The following LHFPL3 variants were observed in gnomAD, a reference collection of about 807,000 sequenced individuals.
The protein encoded by LHFPL3 is LHFPL tetraspan subfamily member 3 protein.
LHFPL3 carries 5 observed loss-of-function variants against 19.3 expected under a neutral mutation model. The observed-to-expected ratio is 0.26, with a 90% CI of 0.14 to 0.54. The LOEUF (loss-of-function observed/expected upper bound fraction) is 0.54, where lower values mean the gene tolerates loss of function less well. Among genes scored for constraint, LHFPL3 ranks in the 20% least tolerant of loss-of-function variants. The pLI is 0.94. For missense variants in LHFPL3, 249 were observed against 307.4 expected (o/e 0.81, Z 1.42); for synonymous variants, 133 against 126.2 (o/e 1.05, Z -0.36).
At chr7:104,639,751 T>C (rs1791795179) in intron 1 of LHFPL3, among the ~76,000 whole-genome samples, 1 of 152,222 alleles carries the variant, frequency 6.6e-6, no homozygotes, top group Non-Finnish European at 1.5e-5. Context: ...ATATTCATGA[T>C]TAATATTTAC....
chr7:104,498,893 A>G (rs1310005741), intron 1 of LHFPL3, among the ~76,000 whole-genome samples: 2 of 152,200 alleles, frequency 1.3e-5, no homozygotes, highest in Non-Finnish European at 2.9e-5. Flanking sequence ...CAGAACATTT[A>G]AGTAAATTTT....
At chr7:104,417,605 T>G (rs576191175) in intron 1 of LHFPL3, among the ~76,000 whole-genome samples, 32 of 152,366 alleles carry the variant, frequency 2.1e-4, no homozygotes, top group African/African-American at 7.5e-4. Flanking sequence ...TTTAGAGGCA[T>G]TAATTTGCTG....
rs188025625 is a variant in LHFPL3 at position 104,469,924 on chromosome 7, G to C, written c.445+140700G>C. The C allele has an allele frequency of 1.6e-4, 70 of 439,600 alleles. 1 individual carries two copies. The highest frequency in any genetic ancestry group is 1.3e-3 in the African/African-American group (67 of 49,832). The allele number at this position is 439,600 out of a possible 1,614,324, so 27.2% of individuals were successfully genotyped here. ...CTATATCTAACCTAACATTCCCTCT[G>C]AGCACAGTTATAGCACAATCATAGA... On this transcript the variant is annotated intron_variant, in intron 1 of 2. Coordinates refer to ENST00000424859, the MANE Select transcript of LHFPL3 (RefSeq NM_199000.3).
intron 1 of LHFPL3, among the ~76,000 whole-genome samples, chr7:104,561,210 G>T (rs1022303579): frequency 1.3e-5 from 2 of 150,516 alleles, no homozygotes; most frequent in Admixed American, 1.3e-4. Context: ...GCTTGTTGCA[G>T]AGCTGAGTTC....
intron 2 of LHFPL3, chr7:104,757,753 G>A (rs1794311794): frequency 6.6e-6 from 1 of 152,244 alleles, no homozygotes; most frequent in South Asian, 2.1e-4. Context: ...CACTTTTGGT[G>A]GGAAAGTAAA....
chr7:104,497,546 A>G (rs1793508569), intron 1 of LHFPL3, among the ~76,000 whole-genome samples: 1 of 151,790 alleles, frequency 6.6e-6, no homozygotes, highest in Non-Finnish European at 1.5e-5. Context: ...AGCCTCTGAT[A>G]TGCATTTTGG....
chr7:104,488,161 T>C (rs547482855), intron 1 of LHFPL3, among the ~76,000 whole-genome samples: 2 of 152,270 alleles, frequency 1.3e-5, no homozygotes, highest in Admixed American at 1.3e-4. Flanking sequence ...ATTCTTGCCA[T>C]AGAGATCTCT....
At chr7:104,850,661 C>T (rs1262580297) in intron 2 of LHFPL3, among the ~76,000 whole-genome samples, 1 of 152,194 alleles carries the variant, frequency 6.6e-6, no homozygotes, top group Non-Finnish European at 1.5e-5. Flanking sequence ...TCCAGACCAG[C>T]AGCATTGCCC....
intron 2 of LHFPL3, among the ~76,000 whole-genome samples, chr7:104,833,081 ATC>A (rs371547147): frequency 1.2e-4 from 7 of 59,920 alleles, no homozygotes; most frequent in Non-Finnish European, 1.5e-4. Flanking sequence ...TATTATATAT[ATC>A]TAATATATAT....
chr7:104,384,358 G>T (rs1321890213), intron 1 of LHFPL3, among the ~76,000 whole-genome samples: 1 of 152,060 alleles, frequency 6.6e-6, no homozygotes, highest in Non-Finnish European at 1.5e-5. Flanking sequence ...TTTGGATGCA[G>T]ATATAAAAAA....
At chr7:104,338,556 C>A (rs534392997) in intron 1 of LHFPL3, among the ~76,000 whole-genome samples, 15 of 152,094 alleles carry the variant, frequency 9.9e-5, no homozygotes, top group Non-Finnish European at 2.2e-4. Context: ...GGAAAATAAT[C>A]ATTTCTCCTT....
chr7:104,388,532 C>T (rs1289362224), intron 1 of LHFPL3, among the ~76,000 whole-genome samples: 1 of 152,072 alleles, frequency 6.6e-6, no homozygotes, highest in Non-Finnish European at 1.5e-5. Context: ...CGAACACTTC[C>T]CAACTTACTC....
At chr7:104,484,104 A>T (rs975224078) in intron 1 of LHFPL3, among the ~76,000 whole-genome samples, 1 of 103,620 alleles carries the variant, frequency 9.7e-6, no homozygotes, top group African/African-American at 4.0e-5. Context: ...TTCCTCTTAA[A>T]TGATTTGGAG....
chr7:104,690,534 C>T (rs1364565357), intron 1 of LHFPL3, among the ~76,000 whole-genome samples: 1 of 152,212 alleles, frequency 6.6e-6, no homozygotes, highest in Non-Finnish European at 1.5e-5. Flanking sequence ...AAGTAGCAAA[C>T]ACTCTGGACT....
chr7:104,478,430 C>T (rs1461920434), intron 1 of LHFPL3, among the ~76,000 whole-genome samples: 1 of 152,030 alleles, frequency 6.6e-6, no homozygotes, highest in African/African-American at 2.4e-5. Context: ...GTCCTTTCTC[C>T]TCTTCTCTCC....
chr7:104,792,794 A>T (rs887537889), intron 2 of LHFPL3, among the ~76,000 whole-genome samples: 2 of 152,172 alleles, frequency 1.3e-5, no homozygotes, highest in African/African-American at 4.8e-5. Context: ...CTGCTTTGGG[A>T]AGTATCTGAC....
At chr7:104,759,740 G>C (rs1426833973) in intron 2 of LHFPL3, 2 of 152,216 alleles carry the variant, frequency 1.3e-5, no homozygotes, top group Non-Finnish European at 2.9e-5. Context: ...CTTCAGGGAA[G>C]GGAAGAGGAA....
At chr7:104,345,493 A>G (rs1195981669) in intron 1 of LHFPL3, among the ~76,000 whole-genome samples, 1 of 152,158 alleles carries the variant, frequency 6.6e-6, no homozygotes, top group African/African-American at 2.4e-5. Flanking sequence ...CTGTTTATCT[A>G]TGCTGAGATT....
chr7:104,499,097 A>C (rs1466084539), intron 1 of LHFPL3, among the ~76,000 whole-genome samples: 1 of 152,230 alleles, frequency 6.6e-6, no homozygotes, highest in East Asian at 1.9e-4. Context: ...GTAATGGCAC[A>C]GTATATGACT....
Sources: gnomAD v4.1 joint callset for allele counts (sites outside exome capture counted in the v4.1 genomes callset) on GRCh38, gnomAD v4.1.1 for gene constraint, MANE v1.5 for transcripts, NCBI Gene and HGNC (gene_info 2026-07-23, HGNC 2026-07-21) for gene names.